CRACD: variants seen among roughly 807,000 people sequenced by gnomAD.
The protein encoded by CRACD is capping protein inhibiting regulator of actin dynamics.
In CRACD, 56 loss-of-function variants were observed where a neutral mutation model predicts 106.8. The ratio of observed to expected loss-of-function variants is 0.52; its 90% CI spans 0.42 to 0.66. CRACD has a LOEUF of 0.66. Ranked by LOEUF, CRACD falls within the 30% of genes least tolerant of loss-of-function variation. The probability of loss-of-function intolerance (pLI) is 0.00; values close to 1 mark genes in which losing one functional copy is unlikely to be tolerated. For missense variants in CRACD, 1,730 were observed against 1,623.2 expected, an observed-to-expected ratio of 1.07 and a Z score of -1.13; for synonymous variants, 754 against 670.8, an observed-to-expected ratio of 1.12 and a Z score of -1.92.
intron 3 of CRACD, among the ~76,000 whole-genome samples, chr4:56,284,292 T>TAAAAAAA (rs59270238): frequency 0.072 from 3,288 of 45,420 alleles, 536 homozygotes; most frequent in East Asian, 0.37. Context: ...CATCCTAAAG[T>TAAAAAAA]AAAAAAAAAA....
intron 1 of CRACD, among the ~76,000 whole-genome samples, chr4:56,084,641 A>G (rs1733154391): frequency 6.6e-6 from 1 of 152,190 alleles, no homozygotes; most frequent in South Asian, 2.1e-4. Context: ...TGATGAGATG[A>G]TGGGGAATGT....
chr4:56,242,440 A>G (rs766603622), intron 2 of CRACD, among the ~76,000 whole-genome samples: 1 of 152,162 alleles, frequency 6.6e-6, no homozygotes, highest in Non-Finnish European at 1.5e-5. Flanking sequence ...CAAATCCCCT[A>G]CATAATAAAG....
At chr4:56,298,496 A>G in intron 4 of CRACD, 147 bp downstream of exon 4, 5 of 972,978 alleles carry the variant, frequency 5.1e-6, no homozygotes, top group South Asian at 4.0e-5. Context: ...CTTGAATTCA[A>G]CTGTATTCTC....
chr4:56,205,234 G>T (rs1024476403), intron 2 of CRACD, among the ~76,000 whole-genome samples: 1 of 151,982 alleles, frequency 6.6e-6, no homozygotes, highest in African/African-American at 2.4e-5. Flanking sequence ...TAAGTAATGC[G>T]TACACCCAGA....
chr4:56,153,721 C>T (rs889106661), intron 1 of CRACD, among the ~76,000 whole-genome samples: 2 of 152,204 alleles, frequency 1.3e-5, no homozygotes, highest in Non-Finnish European at 1.5e-5. Flanking sequence ...TCAGCCACAT[C>T]TCATGTTCCT....
intron 1 of CRACD, among the ~76,000 whole-genome samples, chr4:56,054,926 A>C (rs1292775605): frequency 1.3e-5 from 2 of 152,194 alleles, no homozygotes; most frequent in African/African-American, 4.8e-5. Context: ...TGGCGTACTT[A>C]GGGGATTGAG....
In CRACD at chr4:56,073,778, C is replaced by T. The variant is rs374199607; in HGVS notation, c.-336+24479C>T. On this transcript the variant is annotated intron_variant, in intron 1 of 10. Transcript: ENST00000682029. Reference sequence around the variant, plus strand: ...GTATTTTAGTCATGAAGCCTTTGCCCATGCCTATGTCCTGAATGGTATTGC... The same window carrying T: ...GTATTTTAGTCATGAAGCCTTTGCCTATGCCTATGTCCTGAATGGTATTGC... 7.2e-4 allele frequency among the ~76,000 whole-genome samples: 94 copies of T among 130,706 alleles called. 1 individual carries two copies. Among genetic ancestry groups the T allele is most frequent in the African/African-American group, 2.7e-3 (84 of 31,666 alleles). The allele number at this position is 130,706 out of a possible 152,430, so 85.7% of individuals were successfully genotyped here.
At chr4:56,057,975 C>T (rs1385547709) in intron 1 of CRACD, among the ~76,000 whole-genome samples, 1 of 122,216 alleles carries the variant, frequency 8.2e-6, no homozygotes, top group African/African-American at 4.0e-5. Flanking sequence ...CCCGCTACCA[C>T]GCCCAGCTAA....
chr4:56,179,786 G>A (rs992608880), intron 2 of CRACD, among the ~76,000 whole-genome samples: 3 of 152,172 alleles, frequency 2.0e-5, no homozygotes, highest in African/African-American at 7.2e-5. Flanking sequence ...AGGAAGCTGA[G>A]GCGGGCGGAT....
chr4:56,292,123 G>T (rs1435187804), intron 3 of CRACD, among the ~76,000 whole-genome samples: 5 of 152,218 alleles, frequency 3.3e-5, no homozygotes, highest in African/African-American at 1.2e-4. Context: ...TGGAGCCAAG[G>T]TCTCCTTTGT....
intron 1 of CRACD, among the ~76,000 whole-genome samples, chr4:56,162,879 G>T (rs1736007897): frequency 6.6e-6 from 1 of 152,164 alleles, no homozygotes; most frequent in South Asian, 2.1e-4. Context: ...TTCTGTAAAG[G>T]GCCAGATGGT....
intron 2 of CRACD, among the ~76,000 whole-genome samples, chr4:56,202,405 C>T (rs983425861): frequency 6.6e-6 from 1 of 152,128 alleles, no homozygotes; most frequent in African/African-American, 2.4e-5. Context: ...TGCCATCACA[C>T]CCGGCTAATT....
chr4:56,195,501 A>G (rs1436112888), intron 2 of CRACD, among the ~76,000 whole-genome samples: 1 of 152,210 alleles, frequency 6.6e-6, no homozygotes, highest in Non-Finnish European at 1.5e-5. Flanking sequence ...TCAAGTAGGA[A>G]GGTGGGTCTC....
At chr4:56,243,536 G>A (rs1035931876) in intron 2 of CRACD, among the ~76,000 whole-genome samples, 4 of 152,054 alleles carry the variant, frequency 2.6e-5, no homozygotes, top group Non-Finnish European at 4.4e-5. Context: ...AAAACACCTG[G>A]CTTTTTGCTC....
chr4:56,067,716 C>T (rs1732508227), intron 1 of CRACD, among the ~76,000 whole-genome samples: 1 of 152,130 alleles, frequency 6.6e-6, no homozygotes, highest in Non-Finnish European at 1.5e-5. Context: ...GCTGGGATTA[C>T]AGGAGTGCGC....
At position 56,214,681 on chromosome 4, in the gene CRACD, C is replaced by CTATATATA. The variant is rs545506498; in HGVS notation, c.-189+35259_-189+35266dup. Among the ~76,000 whole-genome samples, 282 of 80,978 alleles carry CTATATATA rather than the reference C, an allele frequency of 3.5e-3. 5 individuals are homozygous for CTATATATA. Among genetic ancestry groups the CTATATATA allele is most frequent in the African/African-American group, 9.9e-3 (233 of 23,486 alleles). The allele number at this position is 80,978 out of a possible 152,430, so 53.1% of individuals were successfully genotyped here. A position where few individuals can be genotyped will look rare whatever the true frequency, so the allele number is the denominator to read the frequency against. Reference sequence around the variant, plus strand: ...TCTCTCTCTCTCTCTCTCTCTCTCTCTATATATATATATATCAAACAGTTA... The same window carrying CTATATATA: ...TCTCTCTCTCTCTCTCTCTCTCTCTCTATATATATATATATATATATATCAAACAGTTA... On this transcript the variant is annotated intron_variant, in intron 2 of 10. Transcript: ENST00000682029.
chr4:56,268,799 C>A (rs1235998500), intron 2 of CRACD, among the ~76,000 whole-genome samples: 1 of 152,174 alleles, frequency 6.6e-6, no homozygotes, highest in Admixed American at 6.5e-5. Context: ...TAAGGACATT[C>A]TTTTAACACA....
rs185311141 is a variant in CRACD at position 56,294,644 on chromosome 4, C to A, written c.-16-3570C>A. 1.2e-4 allele frequency among the ~76,000 whole-genome samples: 19 copies of A among 152,062 alleles called. No homozygotes were observed. In the East Asian group the frequency reaches 3.5e-3, roughly 28 times the overall value. On this transcript the variant is annotated intron_variant, in intron 3 of 10. Coordinates refer to ENST00000682029, the MANE Select transcript of CRACD (RefSeq NM_001393381.1). ...AAATTTATGTAGAAGCCAGGTGTGG[C>A]GGCTCACGCCTATAATCCCAGTACT...
chr4:56,171,898 G>A (rs1347615868), intron 1 of CRACD, among the ~76,000 whole-genome samples: 2 of 152,050 alleles, frequency 1.3e-5, no homozygotes, highest in Non-Finnish European at 2.9e-5. Flanking sequence ...GCTTTAAGGA[G>A]GTCTGTTGAA....
Sources: allele counts gnomAD v4.1 joint callset (sites outside exome capture counted in the v4.1 genomes callset), GRCh38; gene constraint gnomAD v4.1.1; transcripts MANE v1.5; gene names NCBI Gene and HGNC (gene_info 2026-07-23, HGNC 2026-07-21).